The following RNF111 variants were observed in gnomAD, a reference collection of about 807,000 sequenced individuals.
RNF111 encodes the protein E3 ubiquitin-protein ligase Arkadia.
Under a neutral mutation model 95.1 loss-of-function variants are expected in RNF111, and 17 were observed. The ratio of observed to expected loss-of-function variants is 0.18; its 90% CI spans 0.12 to 0.27. The LOEUF (loss-of-function observed/expected upper bound fraction) is 0.27. Among genes scored for constraint, RNF111 ranks in the 10% least tolerant of loss-of-function variants. RNF111 has a pLI of 1.00. For missense variants in RNF111, 1,189 were observed against 1,210.4 expected, an observed-to-expected ratio of 0.98 and a Z score of 0.26; for synonymous variants, 440 against 414.8, an observed-to-expected ratio of 1.06 and a Z score of -0.74.
Position 59,096,729 on chromosome 15 carries a change from C to T in RNF111, c.*1829C>T, listed in dbSNP as rs1376346000. 6.6e-6 allele frequency: 1 copy of T among 152,166 alleles called. No individual in the cohort carries two copies. The highest frequency in any genetic ancestry group is 1.5e-5 in the Non-Finnish European group (1 of 68,048). The allele number at this position is 152,166 out of a possible 1,614,324, so 9.4% of individuals were successfully genotyped here. A position where few individuals can be genotyped will look rare whatever the true frequency, so the allele number is the denominator to read the frequency against. On this transcript the variant is annotated 3_prime_UTR_variant, in exon 14 of 14. Transcript: ENST00000348370. ...GAAGGAGTCAGTGACCTATGTCTGC[C>T]ATCTTACTGGGGAAAAGAGCAAGTA...
At chr15:59,064,266 TGCCTCAC>T (rs2042559703) in intron 5 of RNF111, among the ~76,000 whole-genome samples, 1 of 152,174 alleles carries the variant, frequency 6.6e-6, no homozygotes, top group Non-Finnish European at 1.5e-5. Flanking sequence ...CCGGGCGTGG[TGCCTCAC>T]GCCTGTAATC....
intron 7 of RNF111, among the ~76,000 whole-genome samples, chr15:59,078,552 TAAAAAA>T (rs56959347): frequency 4.2e-4 from 40 of 94,472 alleles, no homozygotes; most frequent in Non-Finnish European, 7.3e-4. Flanking sequence ...AACCTGTCTC[TAAAAAA>T]AAAAAAAAAA....
intron 5 of RNF111, among the ~76,000 whole-genome samples, chr15:59,061,498 C>G (rs147291661): frequency 1.3e-5 from 2 of 152,190 alleles, no homozygotes; most frequent in African/African-American, 4.8e-5. Context: ...TCCTTTTCCT[C>G]AAGGTTTTCA....
intron 1 of RNF111, among the ~76,000 whole-genome samples, chr15:58,990,176 G>C (rs1377485608): frequency 6.6e-6 from 1 of 152,078 alleles, no homozygotes; most frequent in Non-Finnish European, 1.5e-5. Context: ...TTGGGCTTCA[G>C]GTCTCTCTGT....
intron 1 of RNF111, among the ~76,000 whole-genome samples, chr15:59,007,316 A>G (rs2039586775): frequency 6.6e-6 from 1 of 151,848 alleles, no homozygotes; most frequent in Non-Finnish European, 1.5e-5. Flanking sequence ...CTGGAATTTC[A>G]AATAAATAGA....
intron 1 of RNF111, among the ~76,000 whole-genome samples, chr15:59,018,702 A>G (rs1386078743): frequency 6.6e-6 from 1 of 152,204 alleles, no homozygotes; most frequent in Admixed American, 6.5e-5. Flanking sequence ...ACGAAGAAGA[A>G]TCCTATAATA....
Position 59,071,468 on chromosome 15 carries a change from A to G in RNF111, c.1686+4385A>G, listed in dbSNP as rs570926563. On this transcript the variant is annotated intron_variant, in intron 6 of 13. Transcript: ENST00000348370. ...GAGGCTGAGACGGGTGGATCGCTTG[A>G]CCGCAAGAGTTCGAGACCACCCTGT... Among the ~76,000 whole-genome samples, 76 of 152,212 alleles carry G rather than the reference A, an allele frequency of 5.0e-4. 1 individual carries two copies. The highest frequency in any genetic ancestry group is 3.4e-3 in the Middle Eastern group (1 of 294).
intron 3 of RNF111, 24 bp from the exon 4 acceptor site, chr15:59,055,658 A>C (rs779750501): frequency 6.6e-7 from 1 of 1,526,136 alleles, no homozygotes; most frequent in South Asian, 1.3e-5. Flanking sequence ...TATATTTACT[A>C]ACTTAATATT....
chr15:59,059,884 C>G (rs2042361262), intron 5 of RNF111, among the ~76,000 whole-genome samples: 1 of 152,274 alleles, frequency 6.6e-6, no homozygotes, highest in Middle Eastern at 3.4e-3. Context: ...ATGAAACCAT[C>G]TTATATTTTC....
chr15:59,053,752 G>A (rs1384957785), intron 3 of RNF111, among the ~76,000 whole-genome samples: 3 of 151,920 alleles, frequency 2.0e-5, no homozygotes, highest in African/African-American at 4.8e-5. Flanking sequence ...ATTTTTCCTT[G>A]TAGGACTAGA....
chr15:59,047,969 G>A (rs1314258291), intron 2 of RNF111, among the ~76,000 whole-genome samples: 1 of 152,228 alleles, frequency 6.6e-6, no homozygotes, highest in African/African-American at 2.4e-5. Flanking sequence ...ATAGGTACTG[G>A]TGAGGATGTG....
intron 8 of RNF111, among the ~76,000 whole-genome samples, chr15:59,081,504 A>G (rs1227803648): frequency 6.6e-6 from 1 of 150,970 alleles, no homozygotes; most frequent in East Asian, 2.0e-4. Context: ...CTTTTTTTAA[A>G]AAAAGAACAA....
intron 1 of RNF111, among the ~76,000 whole-genome samples, chr15:58,999,016 T>C (rs1375386378): frequency 6.6e-6 from 1 of 152,216 alleles, no homozygotes; most frequent in Non-Finnish European, 1.5e-5. Flanking sequence ...AAATTCCACA[T>C]TGCAATTAAG....
chr15:58,999,201 G>T (rs556438645), intron 1 of RNF111, among the ~76,000 whole-genome samples: 119 of 152,308 alleles, frequency 7.8e-4, no homozygotes, highest in African/African-American at 2.7e-3. Flanking sequence ...TACAGATGCA[G>T]ATGTGACAAT....
chr15:59,084,308 T>C (rs1406245535), intron 9 of RNF111, 54 bp downstream of exon 9: 3 of 1,433,780 alleles, frequency 2.1e-6, no homozygotes, highest in East Asian at 2.6e-5. Flanking sequence ...GGTAAAACTA[T>C]TGGAAGAGAT....
chr15:59,009,535 G>T (rs74017339), intron 1 of RNF111, among the ~76,000 whole-genome samples: 3,583 of 150,096 alleles, frequency 0.024, 82 homozygotes, highest in African/African-American at 0.05. Flanking sequence ...GATAATTTCA[G>T]ATCAGAAAAC....
chr15:59,006,410 A>G (rs1268994797), intron 1 of RNF111, among the ~76,000 whole-genome samples: 1 of 152,188 alleles, frequency 6.6e-6, no homozygotes, highest in Non-Finnish European at 1.5e-5. Context: ...TTTTGACATC[A>G]TAGATGAGTT....
intron 1 of RNF111, among the ~76,000 whole-genome samples, chr15:59,004,745 C>G (rs1164413772): frequency 6.6e-6 from 1 of 152,112 alleles, no homozygotes; most frequent in Non-Finnish European, 1.5e-5. Context: ...AATATGCAGT[C>G]TCTGGAAGTC....
intron 1 of RNF111, among the ~76,000 whole-genome samples, chr15:59,024,931 C>G (rs2040525674): frequency 6.6e-6 from 1 of 152,160 alleles, no homozygotes; most frequent in Non-Finnish European, 1.5e-5. Flanking sequence ...CAATATTTGT[C>G]TTGTTGTGTC....
Sources: allele counts gnomAD v4.1 joint callset (sites outside exome capture counted in the v4.1 genomes callset), GRCh38; gene constraint gnomAD v4.1.1; transcripts MANE v1.5; gene names NCBI Gene and HGNC (gene_info 2026-07-23, HGNC 2026-07-21).